The following PRKN variants were observed in gnomAD, a reference collection of about 807,000 sequenced individuals.
PRKN encodes the protein parkin RBR E3 ubiquitin protein ligase, also known as E3 ubiquitin-protein ligase parkin.
Under a neutral mutation model 59.5 loss-of-function variants are expected in PRKN, and 56 were observed. The ratio of observed to expected loss-of-function variants is 0.94; its 90% CI spans 0.76 to 1.18. The LOEUF (loss-of-function observed/expected upper bound fraction) is 1.18, where lower values mean the gene tolerates loss of function less well. PRKN is among the 50% of genes most tolerant of loss of function. The pLI, the probability that PRKN is intolerant of heterozygous loss-of-function variation, is 0.00. For synonymous variants in PRKN, 250 were observed against 222.1 expected (o/e 1.13, Z -1.12); for missense variants, 657 against 596.4 (o/e 1.10, Z -1.06).
intron 5 of PRKN, among the ~76,000 whole-genome samples, chr6:162,005,485 T>G (rs9458430): frequency 0.56 from 84,177 of 151,532 alleles, 23,496 homozygotes; most frequent in Admixed American, 0.62. Context: ...CAACTCTCAA[T>G]CCACCTCTGA....
At chr6:162,032,635 A>G (rs1783684005) in intron 5 of PRKN, among the ~76,000 whole-genome samples, 2 of 152,224 alleles carry the variant, frequency 1.3e-5, no homozygotes, top group Admixed American at 1.3e-4. Context: ...TATCGATGAA[A>G]AAAGCGAAGC....
intron 1 of PRKN, among the ~76,000 whole-genome samples, chr6:162,498,547 G>A (rs565433157): frequency 1.4e-3 from 206 of 144,372 alleles, no homozygotes; most frequent in African/African-American, 5.2e-3. Context: ...CTGGGTTCAA[G>A]CGATTGTCCT....
rs776966233 is a variant in PRKN, at chr6:161,593,164, T to C, written c.872-23748A>G. Among the ~76,000 whole-genome samples the C allele has an allele frequency of 1.3e-5, 2 of 152,132 alleles. No individual in the cohort carries two copies. The highest frequency in any genetic ancestry group is 2.9e-5 in the Non-Finnish European group (2 of 68,026). Reference sequence around the variant, plus strand: ...TGTCCCCTTACTGTATAGAAAATAATTACGAACTAATAATAACGACAATCA... The same window carrying C: ...TGTCCCCTTACTGTATAGAAAATAACTACGAACTAATAATAACGACAATCA... On this transcript the variant is annotated intron_variant, in intron 7 of 11. Transcript: ENST00000366898. The surrounding 1 kb of genome is among the most constrained non-coding windows in gnomAD (Gnocchi z 4.8).
chr6:162,199,593 G>C (rs566823990), intron 4 of PRKN, among the ~76,000 whole-genome samples: 25 of 152,278 alleles, frequency 1.6e-4, no homozygotes, highest in Non-Finnish European at 3.4e-4. Context: ...CAGAGGAGAG[G>C]AGCAAGTGGA....
intron 6 of PRKN, among the ~76,000 whole-genome samples, chr6:161,840,010 G>T (rs186581771): frequency 4.3e-4 from 65 of 152,330 alleles, no homozygotes; most frequent in Non-Finnish European, 7.8e-4. Context: ...TCTCAGGCTC[G>T]CCCCTCCTCT....
intron 7 of PRKN, among the ~76,000 whole-genome samples, chr6:161,617,314 C>T (rs1212586128): frequency 6.6e-6 from 1 of 152,178 alleles, no homozygotes; most frequent in Non-Finnish European, 1.5e-5. Flanking sequence ...AGCCCTTTGT[C>T]AGATGGATAG....
chr6:161,780,696 G>A (rs770789341), intron 7 of PRKN, among the ~76,000 whole-genome samples: 2 of 152,024 alleles, frequency 1.3e-5, no homozygotes, highest in Non-Finnish European at 2.9e-5. Context: ...TGACGATGTC[G>A]GTACATACGT....
intron 1 of PRKN, among the ~76,000 whole-genome samples, chr6:162,477,522 C>T (rs1321830934): frequency 6.6e-6 from 1 of 152,200 alleles, no homozygotes; most frequent in African/African-American, 2.4e-5. Flanking sequence ...TACACAGGGT[C>T]ATTTTGCCAG....
intron 2 of PRKN, among the ~76,000 whole-genome samples, chr6:162,324,055 A>G (rs145286170): frequency 6.6e-6 from 1 of 152,102 alleles, no homozygotes; most frequent in Non-Finnish European, 1.5e-5. Context: ...ACAGGTGTGC[A>G]ACTTTCTAGT....
At position 162,014,755 on chromosome 6, in the gene PRKN, T is replaced by C. The variant is rs1782869791; in HGVS notation, c.618+39336A>G. On this transcript the variant is annotated intron_variant, in intron 5 of 11. Coordinates refer to ENST00000366898, the MANE Select transcript of PRKN (RefSeq NM_004562.3). Reference sequence around the variant, plus strand: ...AGGGGAGCTCCTTACTCCACTCCACTCAGTCCCCTTCACTCCTGCAAATAA... The same window carrying C: ...AGGGGAGCTCCTTACTCCACTCCACCCAGTCCCCTTCACTCCTGCAAATAA... 3.9e-5 allele frequency among the ~76,000 whole-genome samples: 6 copies of C among 151,996 alleles called. No individual in the cohort carries two copies. In the South Asian group the frequency reaches 1.2e-3, roughly 31 times the overall value.
At chr6:161,995,853 A>C (rs1781821038) in intron 5 of PRKN, among the ~76,000 whole-genome samples, 1 of 152,146 alleles carries the variant, frequency 6.6e-6, no homozygotes, top group African/African-American at 2.4e-5. Context: ...AGGCATCTCC[A>C]AAAACTAAAA....
rs150004395 is a variant in PRKN at position 161,527,687 on chromosome 6, T to C, written c.1083+21167A>G. Among the ~76,000 whole-genome samples the C allele has an allele frequency of 2.4e-4, 36 of 152,356 alleles. No homozygotes were observed. The highest frequency in any genetic ancestry group is 7.7e-4 in the African/African-American group (32 of 41,584). On this transcript the variant is annotated intron_variant, in intron 9 of 11. Transcript: ENST00000366898. The surrounding 1 kb of genome is among the most constrained non-coding windows in gnomAD (Gnocchi z 4.6). ...TTTTACTACTAGAATGAGAGTTTCC[T>C]CTTTCCGTGATGCTCTAATATTCCT... is the stretch of plus-strand genomic sequence containing the variant.
At chr6:162,726,619 AAG>A (rs1403296194) in intron 1 of PRKN, among the ~76,000 whole-genome samples, 2 of 152,238 alleles carry the variant, frequency 1.3e-5, no homozygotes, top group East Asian at 3.8e-4. Flanking sequence ...AAACAGATGT[AAG>A]AAGTGTTTTC....
chr6:161,817,522 T>A (rs1562314723), intron 6 of PRKN, among the ~76,000 whole-genome samples: 1 of 152,240 alleles, frequency 6.6e-6, no homozygotes, highest in African/African-American at 2.4e-5. Flanking sequence ...TTAAGTGATG[T>A]TGAGACTAGA....
At chr6:162,158,997 A>T (rs576024204) in intron 4 of PRKN, among the ~76,000 whole-genome samples, 2 of 152,076 alleles carry the variant, frequency 1.3e-5, no homozygotes, top group East Asian at 3.9e-4. Flanking sequence ...ATTCAGGGCC[A>T]TCCACATAAC....
chr6:162,718,835 C>T lies in PRKN; in HGVS notation c.7+8827G>A, dbSNP rs1778824855. On this transcript the variant is annotated intron_variant, in intron 1 of 11. Coordinates refer to ENST00000366898, the MANE Select transcript of PRKN (RefSeq NM_004562.3). Reference sequence around the variant, plus strand: ...AAGCACAGAGACTTGGTATAAAACTCAAGACACTGAGAATAAGATTATTTG... The same window carrying T: ...AAGCACAGAGACTTGGTATAAAACTTAAGACACTGAGAATAAGATTATTTG... 2.0e-5 allele frequency among the ~76,000 whole-genome samples: 3 copies of T among 152,138 alleles called. No individual in the cohort carries two copies. The South Asian group carries it at 6.2e-4, about 31-fold the overall frequency.
chr6:162,108,704 G>T (rs1488559393), intron 4 of PRKN, among the ~76,000 whole-genome samples: 1 of 152,210 alleles, frequency 6.6e-6, no homozygotes, highest in Non-Finnish European at 1.5e-5. Context: ...ACGGTGAACG[G>T]AGGACCTGTT....
chr6:161,924,873 G>A (rs1778908946), intron 6 of PRKN, among the ~76,000 whole-genome samples: 2 of 152,226 alleles, frequency 1.3e-5, no homozygotes, highest in Admixed American at 1.3e-4. Context: ...CAGTGAAAAT[G>A]TAAACTGTGG....
intron 4 of PRKN, among the ~76,000 whole-genome samples, chr6:162,088,011 T>C (rs1407004619): frequency 1.3e-5 from 2 of 152,054 alleles, no homozygotes; most frequent in Admixed American, 6.6e-5. Flanking sequence ...AATGCAAAGA[T>C]AGAAAGAGAT....
Sources: gnomAD v4.1 joint callset for allele counts (sites outside exome capture counted in the v4.1 genomes callset) on GRCh38, gnomAD v4.1.1 for gene constraint, Gnocchi (gnomAD v3.1) non-coding constraint, MANE v1.5 for transcripts, NCBI Gene and HGNC (gene_info 2026-07-23, HGNC 2026-07-21) for gene names.